Variants in ATP8A2 observed in about 807,000 individuals in gnomAD.
The protein encoded by ATP8A2 is phospholipid-transporting ATPase IB.
Under a neutral mutation model 165.6 loss-of-function variants are expected in ATP8A2, and 100 were observed. That is an observed-to-expected ratio of 0.60 (90% confidence interval 0.51 to 0.71). ATP8A2 has a LOEUF of 0.71. ATP8A2 is among the 30% of genes least tolerant of loss of function. The pLI is 0.00. For missense variants in ATP8A2, 1,227 were observed against 1,479.5 expected, an observed-to-expected ratio of 0.83 and a Z score of 2.80; for synonymous variants, 543 against 548.8, an observed-to-expected ratio of 0.99 and a Z score of 0.15.
At chr13:25,745,511 A>G (rs2044011756) in intron 25 of ATP8A2, among the ~76,000 whole-genome samples, 1 of 152,170 alleles carries the variant, frequency 6.6e-6, no homozygotes. Context: ...CATTTTCAGT[A>G]TTATCTCATG....
intron 25 of ATP8A2, among the ~76,000 whole-genome samples, chr13:25,763,292 C>G (rs2138258307): frequency 6.6e-6 from 1 of 152,302 alleles, no homozygotes; most frequent in Admixed American, 6.5e-5. Context: ...GTGAGGCTGC[C>G]TCTTGGTCAA....
chr13:25,606,104 T>C (rs927366130), intron 24 of ATP8A2, among the ~76,000 whole-genome samples: 1 of 152,170 alleles, frequency 6.6e-6, no homozygotes, highest in Non-Finnish European at 1.5e-5. Context: ...CTCAGTGTTG[T>C]TTGTGGAATT....
At chr13:25,679,663 G>C (rs1316193520) in intron 24 of ATP8A2, among the ~76,000 whole-genome samples, 1 of 152,144 alleles carries the variant, frequency 6.6e-6, no homozygotes, top group Non-Finnish European at 1.5e-5. Flanking sequence ...ACACAGTAAA[G>C]ATTTGAATAT....
chr13:25,643,323 A>C (rs2041584651), intron 24 of ATP8A2, among the ~76,000 whole-genome samples: 1 of 152,152 alleles, frequency 6.6e-6, no homozygotes, highest in Non-Finnish European at 1.5e-5. Context: ...ACATCATAGC[A>C]TCATGTTTTC....
intron 1 of ATP8A2, among the ~76,000 whole-genome samples, chr13:25,464,349 T>A (rs1390829469): frequency 1.3e-5 from 2 of 150,192 alleles, no homozygotes; most frequent in Admixed American, 1.3e-4. Flanking sequence ...TATAGAATGA[T>A]CAAGTGGTGG....
chr13:25,394,510 G>A (rs1017000994), intron 1 of ATP8A2, among the ~76,000 whole-genome samples: 3 of 152,210 alleles, frequency 2.0e-5, no homozygotes, highest in African/African-American at 7.2e-5. Context: ...CCGAGCCTGA[G>A]GGGCAACCAA....
chr13:25,412,416 T>C (rs1176121473), intron 1 of ATP8A2, among the ~76,000 whole-genome samples: 1 of 152,206 alleles, frequency 6.6e-6, no homozygotes, highest in African/African-American at 2.4e-5. Context: ...ACTTTGTTTC[T>C]GATGGAGGGC....
At chr13:25,445,753 A>C (rs1157190732) in intron 1 of ATP8A2, among the ~76,000 whole-genome samples, 2 of 152,256 alleles carry the variant, frequency 1.3e-5, no homozygotes, top group East Asian at 3.9e-4. Context: ...GACTTTGGGC[A>C]GAATAGGAGT....
At chr13:25,982,913 G>C (rs913079113) in intron 35 of ATP8A2, among the ~76,000 whole-genome samples, 1 of 152,114 alleles carries the variant, frequency 6.6e-6, no homozygotes, top group African/African-American at 2.4e-5. Flanking sequence ...TTCCATATAG[G>C]ATGTCTTTTT....
intron 24 of ATP8A2, among the ~76,000 whole-genome samples, chr13:25,597,082 G>A (rs2040255114): frequency 6.6e-6 from 1 of 151,762 alleles, no homozygotes; most frequent in African/African-American, 2.4e-5. Context: ...TCAAACTTTT[G>A]CCCATTTAAA....
intron 27 of ATP8A2, among the ~76,000 whole-genome samples, chr13:25,796,902 A>G (rs545992672): frequency 2.0e-5 from 3 of 152,292 alleles, no homozygotes; most frequent in South Asian, 2.1e-4. Flanking sequence ...ACTTTGATCA[A>G]ATGAATAATA....
At position 25,530,583 on chromosome 13, in the gene ATP8A2, A is replaced by G. The variant is rs1045336620; in HGVS notation, c.343A>G (p.Thr115Ala). Residue 115 changes from threonine to alanine, a missense_variant, in exon 4 of 37, where the codon ACA becomes GCA. By Grantham distance (58) the Thr-to-Ala change is moderately conservative (BLOSUM62 0). This residue lies in a region of ATP8A2 where 356 missense variants were observed against 394.9 expected (regional missense o/e 0.90). Transcript: ENST00000381655. ...LLQQIPDVSP[T>A]GRYTTLVPLI... is the part of the protein sequence containing the mutation. ...CCAGCAAATTCCAGATGTATCTCCA[A>G]CAGGAAGATATACCACCCTGGTGCC... 4 of 1,584,222 alleles carry G rather than the reference A, an allele frequency of 2.5e-6. No homozygotes were observed. The highest frequency in any genetic ancestry group is 3.4e-6 in the Non-Finnish European group (4 of 1,160,542).
intron 35 of ATP8A2, among the ~76,000 whole-genome samples, chr13:25,998,143 G>A (rs1593692835): frequency 6.6e-6 from 1 of 152,164 alleles, no homozygotes; most frequent in South Asian, 2.1e-4. Flanking sequence ...TCCAGGTGCA[G>A]GGGTCCTGAT....
intron 1 of ATP8A2, among the ~76,000 whole-genome samples, chr13:25,432,942 T>A (rs1391680646): frequency 2.0e-5 from 3 of 152,154 alleles, no homozygotes; most frequent in African/African-American, 7.2e-5. Context: ...ACACATGGGG[T>A]TTTCTTGGCT....
chr13:25,524,711 T>C (rs1270533307), intron 2 of ATP8A2, among the ~76,000 whole-genome samples: 1 of 152,116 alleles, frequency 6.6e-6, no homozygotes. Context: ...TGTGTGTGTC[T>C]TTATAGGTGA....
At chr13:25,986,009 T>C (rs1202729553) in intron 35 of ATP8A2, among the ~76,000 whole-genome samples, 1 of 152,254 alleles carries the variant, frequency 6.6e-6, no homozygotes, top group Non-Finnish European at 1.5e-5. Context: ...GTGTTAATTT[T>C]GCATTCAGTT....
At chr13:25,976,183 C>A (rs1294142233) in intron 35 of ATP8A2, among the ~76,000 whole-genome samples, 1 of 152,186 alleles carries the variant, frequency 6.6e-6, no homozygotes, top group East Asian at 1.9e-4. Flanking sequence ...CCTGCCTCAG[C>A]CTCCCAAGTA....
intron 2 of ATP8A2, among the ~76,000 whole-genome samples, chr13:25,519,998 C>G (rs1389160481): frequency 6.6e-6 from 1 of 152,286 alleles, no homozygotes; most frequent in Non-Finnish European, 1.5e-5. Context: ...GTGTAAAGAT[C>G]AAATCAAGGT....
chr13:25,508,495 A>G (rs980509312), intron 2 of ATP8A2, among the ~76,000 whole-genome samples: 14 of 152,354 alleles, frequency 9.2e-5, no homozygotes, highest in Non-Finnish European at 1.8e-4. Context: ...AAAAGGATGA[A>G]TTAGAATTAT....
Sources: allele counts gnomAD v4.1 joint callset (sites outside exome capture counted in the v4.1 genomes callset), GRCh38; gene constraint gnomAD v4.1.1; regional missense constraint gnomAD v4.1.1; transcripts MANE v1.5; gene names NCBI Gene and HGNC (gene_info 2026-07-23, HGNC 2026-07-21).